Variants in FMN1 observed in about 807,000 individuals in gnomAD.
The protein encoded by FMN1 is formin-1.
A neutral mutation model predicts 132.4 loss-of-function variants in FMN1; 110 were observed. The ratio of observed to expected loss-of-function variants is 0.83; its 90% confidence interval spans 0.71 to 0.97. The LOEUF is 0.97. FMN1 is among the 50% of genes least tolerant of loss of function. The pLI is 0.00. For synonymous variants in FMN1, 722 were observed against 651.7 expected, an observed-to-expected ratio of 1.11 and a Z score of -1.64; for missense variants, 1,792 against 1,705.3, an observed-to-expected ratio of 1.05 and a Z score of -0.90.
chr15:33,090,848 C>A (rs1402895917), intron 4 of FMN1, among the ~76,000 whole-genome samples: 1 of 152,154 alleles, frequency 6.6e-6, no homozygotes, highest in African/African-American at 2.4e-5. Context: ...GATAGTACTG[C>A]TTATATTTTA....
intron 4 of FMN1, among the ~76,000 whole-genome samples, chr15:33,118,352 A>G (rs553372433): frequency 3.9e-5 from 6 of 152,214 alleles, no homozygotes; most frequent in Admixed American, 6.5e-5. Context: ...CCAAACACAA[A>G]AATTCTCAGG....
chr15:33,119,660 G>A (rs895014661), intron 4 of FMN1, among the ~76,000 whole-genome samples: 3 of 152,120 alleles, frequency 2.0e-5, no homozygotes, highest in Non-Finnish European at 4.4e-5. Flanking sequence ...TTTTACAAAA[G>A]ATGTTTTCAG....
intron 6 of FMN1, among the ~76,000 whole-genome samples, chr15:33,024,650 G>C (rs1193624393): frequency 6.6e-6 from 1 of 152,146 alleles, no homozygotes; most frequent in Non-Finnish European, 1.5e-5. Flanking sequence ...AATCACTTTA[G>C]AGAACATTTT....
intron 19 of FMN1, among the ~76,000 whole-genome samples, chr15:32,780,207 C>A (rs2056619648): frequency 6.6e-6 from 1 of 152,166 alleles, no homozygotes; most frequent in South Asian, 2.1e-4. Flanking sequence ...AGGCTGGAAC[C>A]TTTTGGGCTG....
Position 32,798,945 on chromosome 15 carries a change from G to T in FMN1, c.3989C>A (p.Thr1330Lys). ...HLENAQKSFE[T>K]TVRYFGMKPK... ...CTTCATCCCAAAATATCGTACTGTT[G>T]TTTCAAAACTGCAACAGGTAGGGGG... is the stretch of plus-strand genomic sequence containing the variant. The change falls in exon 19 of 21, where the codon ACA becomes AAA. Residue 1330 changes from threonine (T) to lysine (K), a missense_variant. Coordinates refer to ENST00000616417, the MANE Select transcript of FMN1 (RefSeq NM_001277313.2). 1 of 1,612,914 alleles carries T rather than the reference G, an allele frequency of 6.2e-7. No individual in the cohort carries two copies. The highest frequency in any genetic ancestry group is 8.5e-7 in the Non-Finnish European group (1 of 1,179,594).
At chr15:33,167,148 A>T (rs1467511679) in intron 3 of FMN1, among the ~76,000 whole-genome samples, 2 of 152,170 alleles carry the variant, frequency 1.3e-5, no homozygotes, top group Non-Finnish European at 2.9e-5. Context: ...TCCCCACCCA[A>T]ATCTCACCTT....
chr15:33,078,644 C>A (rs796228895), intron 5 of FMN1, among the ~76,000 whole-genome samples: 112 of 133,198 alleles, frequency 8.4e-4, no homozygotes, highest in Non-Finnish European at 1.0e-3. Context: ...CAAAAGGCAA[C>A]AAAAAAAAAA....
intron 17 of FMN1, among the ~76,000 whole-genome samples, chr15:32,828,431 CA>C (rs2058423437): frequency 6.6e-6 from 1 of 151,748 alleles, no homozygotes; most frequent in Non-Finnish European, 1.5e-5. Context: ...CCAAGTCGTA[CA>C]AAGGGAAATT....
chr15:33,002,256 C>G (rs2034160205), intron 7 of FMN1, among the ~76,000 whole-genome samples: 1 of 152,176 alleles, frequency 6.6e-6, no homozygotes, highest in Non-Finnish European at 1.5e-5. Context: ...GGAAACATAT[C>G]TGAATTCTCC....
chr15:33,073,018 G>A (rs1362001449), intron 5 of FMN1, among the ~76,000 whole-genome samples: 1 of 151,990 alleles, frequency 6.6e-6, no homozygotes, highest in African/African-American at 2.4e-5. Flanking sequence ...ATCTCCTATA[G>A]GCAGTAGAGC....
At chr15:33,128,859 G>A (rs181824002) in intron 4 of FMN1, among the ~76,000 whole-genome samples, 3 of 152,366 alleles carry the variant, frequency 2.0e-5, no homozygotes, top group East Asian at 3.9e-4. Flanking sequence ...GGAGCAGACT[G>A]CAGAGGCCTG....
At chr15:33,014,434 A>C (rs907819306) in intron 6 of FMN1, among the ~76,000 whole-genome samples, 11 of 152,208 alleles carry the variant, frequency 7.2e-5, no homozygotes, top group African/African-American at 2.7e-4. Flanking sequence ...GTGTGTGAAA[A>C]GGAGGAACAG....
chr15:33,077,357 A>G (rs1595418994), intron 5 of FMN1, among the ~76,000 whole-genome samples: 1 of 83,538 alleles, frequency 1.2e-5, no homozygotes, highest in East Asian at 6.2e-4. Flanking sequence ...TTTTTTTAAT[A>G]TATATATATA....
chr15:32,959,346 C>G (rs1438679558), intron 9 of FMN1, among the ~76,000 whole-genome samples: 1 of 152,124 alleles, frequency 6.6e-6, no homozygotes, highest in African/African-American at 2.4e-5. Context: ...CAGAAGAGAC[C>G]AAGGGATCCA....
chr15:33,181,547 A>G (rs987170565), intron 2 of FMN1, among the ~76,000 whole-genome samples: 1 of 152,190 alleles, frequency 6.6e-6, no homozygotes, highest in Non-Finnish European at 1.5e-5. Context: ...GGATGGTATC[A>G]GATGAGATTA....
rs1041146318 is a variant in FMN1, at chr15:32,773,974, T to C, written c.*336A>G. 6.3e-6 allele frequency: 2 copies of C among 319,046 alleles called. No homozygotes were observed. The highest frequency in any genetic ancestry group is 2.2e-5 in the African/African-American group (1 of 44,548). 19.8% of individuals were successfully genotyped at this position (319,046 alleles called of 1,614,324 possible). On this transcript the variant is annotated 3_prime_UTR_variant, in exon 21 of 21. Coordinates refer to ENST00000616417, the MANE Select transcript of FMN1 (RefSeq NM_001277313.2). ...GTGACAATGTGACATATATCAAGCT[T>C]TGGTTATAAAGCTGGAAATCTCAGC...
intron 11 of FMN1, among the ~76,000 whole-genome samples, chr15:32,909,822 A>G (rs1368040230): frequency 6.6e-6 from 1 of 152,180 alleles, no homozygotes; most frequent in Non-Finnish European, 1.5e-5. Context: ...ATATGTGTAC[A>G]GTCCTGTTGA....
chr15:32,937,427 G>A (rs1308781537), intron 9 of FMN1, among the ~76,000 whole-genome samples: 22 of 152,158 alleles, frequency 1.4e-4, no homozygotes, highest in Admixed American at 1.4e-3. Flanking sequence ...TGCTCACCTG[G>A]GGTTTAGGAG....
At chr15:32,900,421 T>C (rs148963882) in intron 13 of FMN1, among the ~76,000 whole-genome samples, 59 of 152,352 alleles carry the variant, frequency 3.9e-4, no homozygotes, top group African/African-American at 1.4e-3. Flanking sequence ...TTAATACTTA[T>C]TTTAAAGTAG....
Sources: gnomAD v4.1 joint callset for allele counts (sites outside exome capture counted in the v4.1 genomes callset) on GRCh38, gnomAD v4.1.1 for gene constraint, MANE v1.5 for transcripts, NCBI Gene and HGNC (gene_info 2026-07-23, HGNC 2026-07-21) for gene names.